The following UPK3B variants were observed in gnomAD, a reference collection of about 807,000 sequenced individuals.
The protein encoded by UPK3B is uroplakin-3b.
In UPK3B, 21 loss-of-function variants were observed where a neutral mutation model predicts 27.6. That is an observed-to-expected ratio of 0.76 (90% CI 0.54 to 1.10). The LOEUF (loss-of-function observed/expected upper bound fraction) is 1.10. UPK3B is among the 50% of genes least tolerant of loss of function. The probability of loss-of-function intolerance (pLI) is 0.00; values close to 1 mark genes in which losing one functional copy is unlikely to be tolerated. For synonymous variants in UPK3B, 141 were observed against 162.3 expected (o/e 0.87, Z 1.00); for missense variants, 306 against 376.1 (o/e 0.81, Z 1.54).
chr7:76,513,705 G>A (rs762553204), intron 4 of UPK3B, among the ~76,000 whole-genome samples: 20 of 151,956 alleles, frequency 1.3e-4, no homozygotes, highest in Non-Finnish European at 2.4e-4. Flanking sequence ...GGATGAGCAC[G>A]TGGGTGGGAG....
At position 76,515,272 on chromosome 7, in the gene UPK3B, G is replaced by T; in HGVS notation, c.*68G>T. ...AGTGAGTGCATGGTGCTTTGTCCCA[G>T]CTCCTGCACCCACAGGCCCCCTCAG... On this transcript the variant is annotated 3_prime_UTR_variant, in exon 6 of 6. Transcript: ENST00000334348. 13 of 1,551,642 alleles carry T rather than the reference G, an allele frequency of 8.4e-6. No homozygotes were observed. Among genetic ancestry groups the T allele is most frequent in the Non-Finnish European group, 1.1e-5 (13 of 1,147,100 alleles).
intron 3 of UPK3B, among the ~76,000 whole-genome samples, 168 bp from the exon 4 acceptor site, chr7:76,512,916 C>T (rs1018828517): frequency 6.6e-6 from 1 of 152,210 alleles, no homozygotes; most frequent in African/African-American, 2.4e-5. Context: ...GGAGACATCT[C>T]AGGGGATTCT....
At position 76,514,002 on chromosome 7, in the gene UPK3B, C is replaced by T. The variant is rs761070523; in HGVS notation, c.597C>T (p.Ile199=). The change falls in exon 5 of 6, where the codon ATC becomes ATT. Residue 199 remains isoleucine, a synonymous_variant. Coordinates refer to ENST00000334348, the MANE Select transcript of UPK3B (RefSeq NM_001347684.2). The stretch of plus-strand genomic sequence containing the variant: ...CAGGGCGGCGAAGTGGCAGCATGAT[C>T]GTCATTACCTCCATCCTCTCTTCTC... ...TWPGRRSGSM[I]VITSILSSLA... 2 of 1,613,774 alleles carry T rather than the reference C, an allele frequency of 1.2e-6. No individual in the cohort carries two copies. Among genetic ancestry groups the T allele is most frequent in the Non-Finnish European group, 1.7e-6 (2 of 1,179,948 alleles).
intron 5 of UPK3B, 90 bp downstream of exon 5, chr7:76,514,166 A>G: frequency 1.9e-6 from 3 of 1,577,646 alleles, no homozygotes; most frequent in African/African-American, 2.7e-5. Context: ...CAGGCATGCC[A>G]TGGGGTTTAT....
intron 3 of UPK3B, 36 bp from the exon 4 acceptor site, chr7:76,513,048 G>T: frequency 6.3e-7 from 1 of 1,582,132 alleles, no homozygotes; most frequent in Non-Finnish European, 8.6e-7. Flanking sequence ...AGCCTCTGAA[G>T]CTCTCCCCTC....
chr7:76,513,896 C>A (rs1305160575), intron 4 of UPK3B, 51 bp from the exon 5 acceptor site: 1 of 1,608,496 alleles, frequency 6.2e-7, no homozygotes, highest in Non-Finnish European at 8.5e-7. Context: ...GAGATGACAG[C>A]CAGCCCTGGG....
Position 76,510,926 on chromosome 7 carries a change from A to T in UPK3B, c.109A>T (p.Ile37Leu), listed in dbSNP as rs1584271009. Residue 37 changes from isoleucine to leucine, a missense_variant, in exon 2 of 6, where the codon ATA (isoleucine) becomes TTA (leucine). Ile to Leu is a conservative substitution (Grantham distance 5). Transcript: ENST00000334348. The part of the protein sequence containing the change: ...SLELVPYTPQ[I>L]TAWDLEGKVT... ...AGAGCTGGTGCCCTACACACCACAG[A>T]TAACAGCTTGGGACCTGGAAGGGAA... 1.3e-6 allele frequency: 2 copies of T among 1,589,140 alleles called. No homozygotes were observed. The highest frequency in any genetic ancestry group is 4.6e-5 in the East Asian group (2 of 43,092).
In UPK3B at chr7:76,515,318, C is replaced by A. The variant is rs946101100; in HGVS notation, c.*114C>A. On this transcript the variant is annotated 3_prime_UTR_variant, in exon 6 of 6. Coordinates refer to ENST00000334348, the MANE Select transcript of UPK3B (RefSeq NM_001347684.2). Reference sequence around the variant, plus strand: ...CTCAGGGCTCCTTGCCTTTCCCCCCCACCAGCACACCCCGTACCCTGCCTG... The same window carrying A: ...CTCAGGGCTCCTTGCCTTTCCCCCCAACCAGCACACCCCGTACCCTGCCTG... The A allele has an allele frequency of 7.2e-5, 109 of 1,520,138 alleles. No homozygotes were observed. The highest frequency in any genetic ancestry group is 3.5e-4 in the South Asian group (28 of 80,196). 94.2% of individuals were successfully genotyped at this position (1,520,138 alleles called of 1,614,324 possible). A position where few individuals can be genotyped will look rare whatever the true frequency, so the allele number is the denominator to read the frequency against.
chr7:76,511,903 C>T lies in UPK3B; in HGVS notation c.461+21C>T, dbSNP rs368189433. On this transcript the variant is annotated intron_variant, in intron 3 of 5. Transcript: ENST00000334348. The stretch of plus-strand genomic sequence containing the variant: ...TATCGGTGGGTGGTCCCCACCGGAG[C>T]CCTGGGACTGGGGCTGTGCTTGGGG... The T allele has an allele frequency of 6.8e-3, 8,242 of 1,210,542 alleles. 414 individuals are homozygous for T. The East Asian group carries it at 0.13, about 19-fold the overall frequency. The allele number at this position is 1,210,542 out of a possible 1,614,324, so 75.0% of individuals were successfully genotyped here.
rs1028693917 is a variant in UPK3B, at chr7:76,513,856, G to T, written c.542-91G>T. The T allele has an allele frequency of 4.4e-6, 7 of 1,584,760 alleles. No homozygotes were observed. The African/African-American group carries it at 9.4e-5, about 21-fold the overall frequency. ...TGAGACAGCCAGACCTTGAAGCTAG[G>T]CCAGCGTGGGTGGGGAGGGAGCGAG... is the stretch of plus-strand genomic sequence containing the variant. On this transcript the variant is annotated intron_variant, in intron 4 of 5. Transcript: ENST00000334348.
chr7:76,510,871 C>G (rs762477512), intron 1 of UPK3B, 32 bp from the exon 2 acceptor site: 19 of 1,596,574 alleles, frequency 1.2e-5, no homozygotes, highest in Non-Finnish European at 1.6e-5. Context: ...CGCCCGTCTC[C>G]GTGGCTCACC....
rs567398731 is a variant in UPK3B, at chr7:76,516,080, C to T, written c.*876C>T. ...TCAAGCGTCCATCTGTGCACAAGGC[C>T]GGTGGTTCCCGTCGTCGCCACTCGG... On this transcript the variant is annotated 3_prime_UTR_variant, in exon 6 of 6. Transcript: ENST00000334348. The T allele has an allele frequency of 5.6e-4, 341 of 610,506 alleles. 126 individuals carry two copies. The highest frequency in any genetic ancestry group is 6.2e-4 in the Non-Finnish European group (326 of 529,506). The allele number at this position is 610,506 out of a possible 1,614,324, so 37.8% of individuals were successfully genotyped here. A position where few individuals can be genotyped will look rare whatever the true frequency, so the allele number is the denominator to read the frequency against.
In UPK3B at chr7:76,515,222, G is replaced by C. The variant is rs1016576905; in HGVS notation, c.*18G>C. 1.3e-6 allele frequency: 2 copies of C among 1,588,232 alleles called. No individual in the cohort carries two copies. The highest frequency in any genetic ancestry group is 8.6e-7 in the Non-Finnish European group (1 of 1,167,302). ...GCCCCTAGCCTGGCCTCTTTGCATG[G>C]GGCTGGGGGAGATGGGGCGCTGGGA... On this transcript the variant is annotated 3_prime_UTR_variant, in exon 6 of 6. Transcript: ENST00000334348.
rs187002049 is a variant in UPK3B at position 76,513,543 on chromosome 7, G to A, written c.541+380G>A. Among the ~76,000 whole-genome samples the A allele has an allele frequency of 2.1e-3, 326 of 152,180 alleles. 4 individuals carry two copies. Among genetic ancestry groups the A allele is most frequent in the South Asian group, 0.01 (49 of 4,822 alleles). ...TCTGAGCAGACCCCAAGGGGCAAGC[G>A]TGAATGTACCAAGCCCAGAAGTTTC... On this transcript the variant is annotated intron_variant, in intron 4 of 5. Transcript: ENST00000334348.
In UPK3B at chr7:76,514,171, G is replaced by T. The variant is rs1354645604; in HGVS notation, c.671+95G>T. On this transcript the variant is annotated intron_variant, in intron 5 of 5. Coordinates refer to ENST00000334348, the MANE Select transcript of UPK3B (RefSeq NM_001347684.2). ...GGAAGCCCTCCAGGCATGCCATGGGGTTTATTTTATTTTTGGTAGAGACAG... is the reference window on the plus strand; with the variant it reads ...GGAAGCCCTCCAGGCATGCCATGGGTTTTATTTTATTTTTGGTAGAGACAG... The T allele has an allele frequency of 3.2e-6, 5 of 1,576,418 alleles. No individual in the cohort carries two copies. The East Asian group carries it at 9.0e-5, about 28-fold the overall frequency.
In UPK3B at chr7:76,511,640, G is replaced by A. The variant is rs549608534; in HGVS notation, c.236-17G>A. ...GCTTTCTCCCCTCCCACCTCCATCT[G>A]TTCTCTCCTCCTGCAGCCTCCAGGG... On this transcript the variant is annotated splice_polypyrimidine_tract_variant and intron_variant, in intron 2 of 5. Transcript: ENST00000334348. The A allele has an allele frequency of 2.6e-5, 41 of 1,568,626 alleles. No homozygotes were observed. The Middle Eastern group carries it at 1.3e-3, about 49-fold the overall frequency.
At position 76,515,137 on chromosome 7, in the gene UPK3B, G is replaced by T. The variant is rs759575850; in HGVS notation, c.764G>T (p.Arg255Ile). Residue 255 changes from arginine to isoleucine, a missense_variant, in exon 6 of 6, where the codon AGA (arginine) becomes ATA (isoleucine). Arg to Ile is a moderately conservative substitution (Grantham distance 97). Around this residue, in one of 4 missense-constraint regions of UPK3B, gnomAD observed 174 missense variants for 166.6 expected, o/e 1.04. Coordinates refer to ENST00000334348, the MANE Select transcript of UPK3B (RefSeq NM_001347684.2). The stretch of plus-strand genomic sequence containing the variant: ...TACATGACCCACCACATCCCACCCA[G>T]AGAGGCCGCCACACTGCCGGTGGGC... The part of the protein sequence containing the change: ...KRYMTHHIPP[R>I]EAATLPVGCK... 1.9e-6 allele frequency: 3 copies of T among 1,600,596 alleles called. No homozygotes were observed. The highest frequency in any genetic ancestry group is 2.6e-6 in the Non-Finnish European group (3 of 1,174,550).
rs756976250 is a variant in UPK3B, at chr7:76,511,733, C to T, written c.312C>T (p.Tyr104=). The T allele has an allele frequency of 6.2e-6, 10 of 1,611,542 alleles. No individual in the cohort carries two copies. Among genetic ancestry groups the T allele is most frequent in the African/African-American group, 5.3e-5 (4 of 74,844 alleles). ...ASPQLLTDGH[Y]MTLPLSPDQL... The stretch of plus-strand genomic sequence containing the variant: ...CACAGCTGCTGACCGATGGCCACTA[C>T]ATGACGCTGCCCCTGTCTCCGGACC... The change falls in exon 3 of 6, where the codon TAC becomes TAT. Residue 104 remains tyrosine, a synonymous_variant. Coordinates refer to ENST00000334348, the MANE Select transcript of UPK3B (RefSeq NM_001347684.2).
intron 4 of UPK3B, 76 bp from the exon 5 acceptor site, chr7:76,513,871 G>A: frequency 1.3e-5 from 20 of 1,599,306 alleles, no homozygotes; most frequent in Non-Finnish European, 1.7e-5. Context: ...CGTGGGTGGG[G>A]AGGGAGCGAG....
Sources: allele counts gnomAD v4.1 joint callset (sites outside exome capture counted in the v4.1 genomes callset), GRCh38; gene constraint gnomAD v4.1.1; regional missense constraint gnomAD v4.1.1; transcripts MANE v1.5; gene names NCBI Gene and HGNC (gene_info 2026-07-23, HGNC 2026-07-21).